The following TPX2 variants were observed in gnomAD, a reference collection of about 807,000 sequenced individuals.
TPX2 encodes the protein TPX2 microtubule nucleation factor, also known as targeting protein for Xklp2.
TPX2 carries 21 observed loss-of-function variants against 93.6 expected under a neutral mutation model. The ratio of observed to expected loss-of-function variants is 0.22; its 90% CI spans 0.16 to 0.32. TPX2 has a LOEUF of 0.32. Ranked by LOEUF, TPX2 falls within the 10% of genes least tolerant of loss-of-function variation. The pLI, the probability that TPX2 is intolerant of heterozygous loss-of-function variation, is 1.00. For missense variants in TPX2, 776 were observed against 871.1 expected (o/e 0.89, Z 1.37); for synonymous variants, 281 against 298.3 (o/e 0.94, Z 0.60).
Position 31,769,350 on chromosome 20 carries a change from G to A in TPX2, c.357-993G>A, listed in dbSNP as rs565869904. Among the ~76,000 whole-genome samples the A allele has an allele frequency of 2.0e-4, 28 of 138,842 alleles. No homozygotes were observed. The South Asian group carries it at 5.8e-3, about 29-fold the overall frequency. The allele number at this position is 138,842 out of a possible 152,430, so 91.1% of individuals were successfully genotyped here. On this transcript the variant is annotated intron_variant, in intron 5 of 17. Transcript: ENST00000300403. ...TTTTTTTTTTTCAAGGCGGAGTCTCGCTCTGTTGCCTAGGCTGGAGTGCAG... is the reference window on the plus strand; with the variant it reads ...TTTTTTTTTTTCAAGGCGGAGTCTCACTCTGTTGCCTAGGCTGGAGTGCAG...
At chr20:31,753,648 C>T (rs2061833372) in intron 2 of TPX2, among the ~76,000 whole-genome samples, 1 of 152,130 alleles carries the variant, frequency 6.6e-6, no homozygotes, top group African/African-American at 2.4e-5. Flanking sequence ...ATTCTGGCTG[C>T]AGTGAGCATA....
At chr20:31,743,486 G>A (rs1326185551) in intron 2 of TPX2, among the ~76,000 whole-genome samples, 1 of 151,934 alleles carries the variant, frequency 6.6e-6, no homozygotes, top group Non-Finnish European at 1.5e-5. Context: ...AGGAGTTCGC[G>A]ACCAGCCTGG....
At chr20:31,755,139 A>C (rs1252126169) in intron 2 of TPX2, among the ~76,000 whole-genome samples, 1 of 152,090 alleles carries the variant, frequency 6.6e-6, no homozygotes, top group Non-Finnish European at 1.5e-5. Context: ...TAGTAGAGAC[A>C]GGGTTTCACC....
Position 31,756,062 on chromosome 20 carries a change from T to C in TPX2, c.-70-1345T>C, listed in dbSNP as rs117894446. On this transcript the variant is annotated intron_variant, in intron 2 of 17. Coordinates refer to ENST00000300403, the MANE Select transcript of TPX2 (RefSeq NM_012112.5). ...CGTCTTTATACTCAGAAATAGTATTTTTTGAGAATATTTCTAAGAAAAGAC... is the reference window on the plus strand; with the variant it reads ...CGTCTTTATACTCAGAAATAGTATTCTTTGAGAATATTTCTAAGAAAAGAC... 7.0e-3 allele frequency among the ~76,000 whole-genome samples: 1,065 copies of C among 152,346 alleles called. 2 individuals are homozygous for C. Among genetic ancestry groups the C allele is most frequent in the Non-Finnish European group, 0.01 (706 of 68,042 alleles).
chr20:31,782,903 C>T (rs574066850), intron 11 of TPX2, among the ~76,000 whole-genome samples: 5,990 of 150,934 alleles, frequency 0.04, 230 homozygotes, highest in African/African-American at 0.1. Context: ...CACACACACA[C>T]ACACACACAC....
At chr20:31,756,401 T>C (rs2061852174) in intron 2 of TPX2, among the ~76,000 whole-genome samples, 1 of 151,990 alleles carries the variant, frequency 6.6e-6, no homozygotes, top group Non-Finnish European at 1.5e-5. Context: ...GGATAAGATT[T>C]TGGTTGGTAG....
At chr20:31,793,712 A>G in intron 13 of TPX2, 136 bp from the exon 14 acceptor site, 3 of 809,308 alleles carry the variant, frequency 3.7e-6, no homozygotes, top group Non-Finnish European at 5.6e-6. Context: ...CTTCTTGGAT[A>G]GAAAAGGAAG....
At chr20:31,785,536 T>TG (rs2062060399) in intron 12 of TPX2, among the ~76,000 whole-genome samples, 1 of 151,978 alleles carries the variant, frequency 6.6e-6, no homozygotes, top group Admixed American at 6.6e-5. Flanking sequence ...TAGCTCTTGT[T>TG]GCCCAGGCTG....
chr20:31,797,771 AT>A (rs1348680732), intron 16 of TPX2, among the ~76,000 whole-genome samples: 29 of 152,188 alleles, frequency 1.9e-4, no homozygotes, highest in Non-Finnish European at 5.9e-5. Context: ...AACAACAATG[AT>A]AGGTTTTCCC....
chr20:31,759,946 C>A, intron 3 of TPX2, 111 bp from the exon 4 acceptor site: 1 of 1,429,332 alleles, frequency 7.0e-7, no homozygotes. Context: ...GTACTTGCCA[C>A]ATGAGTTGGA....
chr20:31,771,632 C>T lies in TPX2; in HGVS notation c.558C>T (p.Ser186=). The part of the protein sequence containing the change: ...HQDTAEKNAS[S]PEKAKGRHTV... The stretch of plus-strand genomic sequence containing the variant: ...ATACTGCTGAAAAGAATGCATCTTC[C>T]CCAGAGAAAGCCAAGGGTAGACATA... The change falls in exon 7 of 18, where the codon TCC becomes TCT. Residue 186 remains serine (S), a synonymous_variant. Transcript: ENST00000300403. 2 of 1,613,806 alleles carry T rather than the reference C, an allele frequency of 1.2e-6. No homozygotes were observed. Among genetic ancestry groups the T allele is most frequent in the Middle Eastern group, 3.3e-4 (2 of 6,060 alleles).
chr20:31,778,911 T>C lies in TPX2; in HGVS notation c.981T>C (p.Leu327=). 1 of 1,612,316 alleles carries C rather than the reference T, an allele frequency of 6.2e-7. No individual in the cohort carries two copies. The highest frequency in any genetic ancestry group is 8.5e-7 in the Non-Finnish European group (1 of 1,179,644). The change falls in exon 10 of 18, where the codon CTT becomes CTC. Residue 327 remains leucine (L), a synonymous_variant. Coordinates refer to ENST00000300403, the MANE Select transcript of TPX2 (RefSeq NM_012112.5). ...FDETVSTYVP[L]AQQVEDFHKR... ...AAACAGTTTCTACATATGTGCCCCT[T>C]GCACAGCAAGTTGAAGACTTCCATA...
chr20:31,766,861 C>CA (rs2123012432), intron 5 of TPX2, among the ~76,000 whole-genome samples, 179 bp downstream of exon 5: 1 of 139,796 alleles, frequency 7.2e-6, no homozygotes, highest in African/African-American at 2.7e-5. Context: ...AGTGAAGTGG[C>CA]ATGATCTTGG....
At position 31,798,567 on chromosome 20, in the gene TPX2, G is replaced by C; in HGVS notation, c.2133+15G>C. The C allele has an allele frequency of 6.3e-7, 1 of 1,587,122 alleles. No homozygotes were observed. The highest frequency in any genetic ancestry group is 2.3e-5 in the East Asian group (1 of 44,426). On this transcript the variant is annotated intron_variant, in intron 17 of 17. Coordinates refer to ENST00000300403, the MANE Select transcript of TPX2 (RefSeq NM_012112.5). ...GGAGAGAACTGGTAACTGGGAGCAT[G>C]AGCACTGACGAACACAAACATGCCT...
chr20:31,766,229 A>G (rs1357640054), intron 4 of TPX2, among the ~76,000 whole-genome samples: 2 of 152,066 alleles, frequency 1.3e-5, no homozygotes, highest in Non-Finnish European at 2.9e-5. Context: ...CTTACTTTGT[A>G]AGTGATTTTT....
At chr20:31,762,181 G>T (rs748250750) in intron 4 of TPX2, among the ~76,000 whole-genome samples, 14 of 152,014 alleles carry the variant, frequency 9.2e-5, no homozygotes, top group Admixed American at 6.6e-5. Flanking sequence ...TTCTTTAGTT[G>T]TCTCTTCACT....
chr20:31,765,521 A>G (rs998749850), intron 4 of TPX2, among the ~76,000 whole-genome samples: 15 of 151,528 alleles, frequency 9.9e-5, no homozygotes, highest in African/African-American at 1.9e-4. Flanking sequence ...GTGTTGCCCA[A>G]GCTGGTCTCA....
intron 11 of TPX2, among the ~76,000 whole-genome samples, chr20:31,783,336 C>T (rs1357749211): frequency 2.6e-5 from 4 of 151,932 alleles, no homozygotes; most frequent in Non-Finnish European, 4.4e-5. Context: ...CTGCAACCTC[C>T]GCCTCCTGGG....
chr20:31,764,959 T>C (rs1011118719), intron 4 of TPX2, among the ~76,000 whole-genome samples: 5 of 149,102 alleles, frequency 3.4e-5, no homozygotes, highest in African/African-American at 1.3e-4. Context: ...TTTTTGTTTT[T>C]GTTTTTTTTT....
Sources: gnomAD v4.1 joint callset for allele counts (sites outside exome capture counted in the v4.1 genomes callset) on GRCh38, gnomAD v4.1.1 for gene constraint, MANE v1.5 for transcripts, NCBI Gene and HGNC (gene_info 2026-07-23, HGNC 2026-07-21) for gene names.